ZNF407: variants seen among roughly 807,000 people sequenced by gnomAD.
ZNF407 encodes the protein zinc finger protein 407.
Under a neutral mutation model 131.2 loss-of-function variants are expected in ZNF407, and 17 were observed. The ratio of observed to expected loss-of-function variants is 0.13; its 90% CI spans 0.09 to 0.19. The LOEUF (loss-of-function observed/expected upper bound fraction) is 0.19. ZNF407 is among the 10% of genes least tolerant of loss of function. The pLI is 1.00. For synonymous variants in ZNF407, 1,156 were observed against 1,062.0 expected, an observed-to-expected ratio of 1.09 and a Z score of -1.72; for missense variants, 2,681 against 2,830.6, an observed-to-expected ratio of 0.95 and a Z score of 1.20.
chr18:74,985,249 C>G (rs1484579648), intron 8 of ZNF407, among the ~76,000 whole-genome samples: 1 of 152,122 alleles, frequency 6.6e-6, no homozygotes, highest in Non-Finnish European at 1.5e-5. Flanking sequence ...TTAAAATACC[C>G]TTTATACATT....
chr18:74,637,210 C>G (rs1480520509), intron 2 of ZNF407, among the ~76,000 whole-genome samples: 1 of 152,218 alleles, frequency 6.6e-6, no homozygotes, highest in African/African-American at 2.4e-5. Flanking sequence ...CATTTCAGCA[C>G]TTAATTTCCC....
intron 8 of ZNF407, among the ~76,000 whole-genome samples, chr18:75,049,371 A>C (rs1973473367): frequency 6.6e-6 from 1 of 152,132 alleles, no homozygotes; most frequent in Non-Finnish European, 1.5e-5. Context: ...GCCTGGGATC[A>C]TACTTATTTG....
chr18:74,896,265 T>C (rs1387115778), intron 7 of ZNF407, among the ~76,000 whole-genome samples: 1 of 151,924 alleles, frequency 6.6e-6, no homozygotes, highest in Non-Finnish European at 1.5e-5. Context: ...ATCAAAACTA[T>C]TTTTGTCATT....
At chr18:74,714,799 A>G (rs1050306557) in intron 3 of ZNF407, among the ~76,000 whole-genome samples, 2 of 152,186 alleles carry the variant, frequency 1.3e-5, no homozygotes, top group African/African-American at 4.8e-5. Context: ...GTGTTTTTTT[A>G]CAATGCCAAT....
chr18:75,013,784 A>C (rs138289088), intron 8 of ZNF407, among the ~76,000 whole-genome samples: 1 of 152,102 alleles, frequency 6.6e-6, no homozygotes, highest in Non-Finnish European at 1.5e-5. Flanking sequence ...ATTTCTAAAA[A>C]TAAATTAAGC....
At chr18:74,765,950 C>A (rs1969220045) in intron 3 of ZNF407, among the ~76,000 whole-genome samples, 1 of 151,830 alleles carries the variant, frequency 6.6e-6, no homozygotes, top group African/African-American at 2.4e-5. Flanking sequence ...TCTTCTAAAC[C>A]CCAAATCAGT....
At chr18:74,723,587 G>C (rs1459288186) in intron 3 of ZNF407, among the ~76,000 whole-genome samples, 2 of 152,156 alleles carry the variant, frequency 1.3e-5, no homozygotes, top group African/African-American at 2.4e-5. Flanking sequence ...GGTGTTCTGA[G>C]TTTATTCCCA....
At chr18:74,886,955 T>G (rs1334178900) in intron 6 of ZNF407, among the ~76,000 whole-genome samples, 1 of 152,228 alleles carries the variant, frequency 6.6e-6, no homozygotes, top group Non-Finnish European at 1.5e-5. Flanking sequence ...GTAAAATAAT[T>G]TATAATATGT....
rs981840304 is a variant in ZNF407, at chr18:74,943,107, G to A, written c.5428+22415G>A. 5.9e-5 allele frequency among the ~76,000 whole-genome samples: 9 copies of A among 151,702 alleles called. No homozygotes were observed. The East Asian group carries it at 9.7e-4, about 16-fold the overall frequency. On this transcript the variant is annotated intron_variant, in intron 8 of 8. Transcript: ENST00000299687. ...ATTTTTTTGTACTTTTAGTAGAGACGGGGTCTCACCACATTAGCCAGGATG... is the reference window on the plus strand; with the variant it reads ...ATTTTTTTGTACTTTTAGTAGAGACAGGGTCTCACCACATTAGCCAGGATG...
intron 3 of ZNF407, among the ~76,000 whole-genome samples, chr18:74,762,767 A>G (rs577484573): frequency 2.6e-5 from 4 of 151,246 alleles, no homozygotes; most frequent in East Asian, 1.9e-4. Flanking sequence ...TTGTTGTTGT[A>G]TATTGATAGT....
chr18:74,692,183 G>A (rs1163081245), intron 3 of ZNF407, among the ~76,000 whole-genome samples: 2 of 152,136 alleles, frequency 1.3e-5, no homozygotes, highest in South Asian at 2.1e-4. Flanking sequence ...GATGATGGCC[G>A]TATCTCTTCT....
At chr18:75,057,317 C>T (rs575353191) in intron 8 of ZNF407, among the ~76,000 whole-genome samples, 64 of 152,286 alleles carry the variant, frequency 4.2e-4, no homozygotes, top group African/African-American at 1.3e-3. Context: ...CCCCACGACA[C>T]GTCTTTTTAA....
chr18:74,669,891 A>G (rs1374530980), intron 3 of ZNF407, among the ~76,000 whole-genome samples: 1 of 152,240 alleles, frequency 6.6e-6, no homozygotes, highest in Admixed American at 6.5e-5. Flanking sequence ...TTGAGGCTCA[A>G]ACACAGTTTT....
intron 8 of ZNF407, among the ~76,000 whole-genome samples, chr18:75,023,618 A>C (rs944407644): frequency 1.4e-4 from 21 of 152,242 alleles, no homozygotes; most frequent in Admixed American, 1.0e-3. Context: ...CATCGTGACC[A>C]CCCACTCCTT....
intron 4 of ZNF407, among the ~76,000 whole-genome samples, chr18:74,785,834 C>G (rs1186455528): frequency 1.3e-5 from 2 of 151,806 alleles, no homozygotes; most frequent in African/African-American, 4.8e-5. Flanking sequence ...ACATGTCACT[C>G]ACATGGCATG....
intron 4 of ZNF407, among the ~76,000 whole-genome samples, chr18:74,830,218 T>C (rs777964575): frequency 6.6e-6 from 1 of 152,216 alleles, no homozygotes; most frequent in African/African-American, 2.4e-5. Context: ...CAGTCTGTGG[T>C]ATTTTGTTAC....
chr18:75,060,707 G>A lies in ZNF407; in HGVS notation c.5429-2443G>A, dbSNP rs535257740. On this transcript the variant is annotated intron_variant, in intron 8 of 8. Transcript: ENST00000299687. ...TTTTTAGTAGAGACGGGGTTTCACC[G>A]TGTTAGCCAGGATGGTCTCGATCTC... Among the ~76,000 whole-genome samples, 324 of 151,006 alleles carry A rather than the reference G, an allele frequency of 2.1e-3. 1 individual carries two copies. The highest frequency in any genetic ancestry group is 7.5e-3 in the African/African-American group (307 of 41,162).
At chr18:74,993,773 A>G (rs1462363359) in intron 8 of ZNF407, among the ~76,000 whole-genome samples, 2 of 152,258 alleles carry the variant, frequency 1.3e-5, no homozygotes, top group Non-Finnish European at 2.9e-5. Flanking sequence ...TGGGCTTTAA[A>G]TGGTTCAAAT....
chr18:74,854,219 C>G (rs1047174665), intron 4 of ZNF407, among the ~76,000 whole-genome samples: 21 of 152,122 alleles, frequency 1.4e-4, no homozygotes, highest in Admixed American at 1.0e-3. Flanking sequence ...TGTGTTTTAC[C>G]ACTCTCCAGC....
Sources: gnomAD v4.1 joint callset for allele counts (sites outside exome capture counted in the v4.1 genomes callset) on GRCh38, gnomAD v4.1.1 for gene constraint, MANE v1.5 for transcripts, NCBI Gene and HGNC (gene_info 2026-07-23, HGNC 2026-07-21) for gene names.